RGPD3: variants seen among roughly 807,000 people sequenced by gnomAD.
RGPD3 encodes the protein ranBP2-like and GRIP domain-containing protein 3.
Under a neutral mutation model 154.5 loss-of-function variants are expected in RGPD3, and 62 were observed. The observed-to-expected ratio is 0.40, with a 90% CI of 0.33 to 0.50. The LOEUF (loss-of-function observed/expected upper bound fraction) is 0.50, where lower values mean the gene tolerates loss of function less well. Among genes scored for constraint, RGPD3 ranks in the 20% least tolerant of loss-of-function variants. RGPD3 has a pLI of 0.59. For synonymous variants in RGPD3, 308 were observed against 607.0 expected, an observed-to-expected ratio of 0.51 and a Z score of 7.24; for missense variants, 919 against 1,716.8, an observed-to-expected ratio of 0.54 and a Z score of 8.21.
chr2:106,410,246 A>G (rs972112065), intron 22 of RGPD3, among the ~76,000 whole-genome samples: 75 of 152,270 alleles, frequency 4.9e-4, no homozygotes, highest in African/African-American at 1.5e-3. Flanking sequence ...GTTTTTAATT[A>G]TAATAAGGTC....
rs200527401 is a variant in RGPD3 at position 106,468,264 on chromosome 2, C to A, written c.25G>T (p.Glu9Ter). 6.0e-3 allele frequency: 9,689 copies of A among 1,607,704 alleles called. 22 individuals carry two copies. Among genetic ancestry groups the A allele is most frequent in the Non-Finnish European group, 7.5e-3 (8,831 of 1,178,220 alleles). The change falls in exon 1 of 23, where the codon GAG becomes TAG. Residue 9 changes from glutamate to a stop codon, truncating the protein, a stop_gained. Transcript: ENST00000409886. LOFTEE classifies it high-confidence loss of function. ...CCCTGCACCGAGGCGACGTACCGCT[C>A]CCCGTAGGCCTTGCTGCAACTCATC... MSCSKAYGERYVASVQGSA... is the reference protein window; with the variant it reads MSCSKAYG
chr2:106,451,276 G>A (rs1406309531), intron 6 of RGPD3, among the ~76,000 whole-genome samples: 7 of 151,824 alleles, frequency 4.6e-5, no homozygotes, highest in African/African-American at 1.7e-4. Context: ...AGTTCTTTTA[G>A]ATACTGCTCT....
At chr2:106,458,996 T>G (rs2919189) in intron 2 of RGPD3, among the ~76,000 whole-genome samples, 1 of 117,854 alleles carries the variant, frequency 8.5e-6, no homozygotes, top group Non-Finnish European at 1.8e-5. Flanking sequence ...CTCTTTTACT[T>G]CAACAGAAGA....
chr2:106,461,471 G>A (rs1678403883), intron 1 of RGPD3, among the ~76,000 whole-genome samples: 1 of 152,204 alleles, frequency 6.6e-6, no homozygotes, highest in African/African-American at 2.4e-5. Flanking sequence ...TAGGTAGGAC[G>A]GAGCAGGAGG....
At position 106,468,335 on chromosome 2, in the gene RGPD3, C is replaced by T. The variant is rs1209797965; in HGVS notation, c.-47G>A. On this transcript the variant is annotated 5_prime_UTR_variant, in exon 1 of 23. Transcript: ENST00000409886. Reference sequence around the variant, plus strand: ...GAGATGCGTGAGACCAGCGCTCAGCCCCGCAGCAGTCGCCAATTCCAAGAG... The same window carrying T: ...GAGATGCGTGAGACCAGCGCTCAGCTCCGCAGCAGTCGCCAATTCCAAGAG... 2 of 1,572,392 alleles carry T rather than the reference C, an allele frequency of 1.3e-6. No individual in the cohort carries two copies. The highest frequency in any genetic ancestry group is 2.3e-5 in the South Asian group (2 of 85,680).
intron 7 of RGPD3, among the ~76,000 whole-genome samples, chr2:106,446,664 C>A (rs1158819703): frequency 1.4e-5 from 2 of 146,292 alleles, no homozygotes; most frequent in Admixed American, 6.9e-5. Flanking sequence ...AGGTAGATCA[C>A]GAGGTCAAGA....
intron 6 of RGPD3, among the ~76,000 whole-genome samples, chr2:106,449,677 A>T (rs1573289336): frequency 6.6e-6 from 1 of 151,858 alleles, no homozygotes; most frequent in Non-Finnish European, 1.5e-5. Context: ...AGAGATTGAG[A>T]CCTTCCAGTA....
intron 1 of RGPD3, among the ~76,000 whole-genome samples, chr2:106,461,470 C>T (rs566182109): frequency 4.6e-5 from 7 of 152,246 alleles, no homozygotes; most frequent in East Asian, 1.9e-4. Flanking sequence ...CTAGGTAGGA[C>T]GGAGCAGGAG....
Position 106,466,289 on chromosome 2 carries a change from G to C in RGPD3, c.72+1928C>G, listed in dbSNP as rs1053808460. Among the ~76,000 whole-genome samples, 8 of 144,732 alleles carry C rather than the reference G, an allele frequency of 5.5e-5. No homozygotes were observed. The East Asian group carries it at 7.8e-4, about 14-fold the overall frequency. 94.9% of individuals were successfully genotyped at this position (144,732 alleles called of 152,430 possible). On this transcript the variant is annotated intron_variant, in intron 1 of 22. Coordinates refer to ENST00000409886, the MANE Select transcript of RGPD3 (RefSeq NM_001144013.2). ...CGCCGCCCACAGGACTGCGCCAGCC[G>C]GCGGGCGCCGCAACAGAGCGCGCCA...
chr2:106,445,199 G>C (rs1180385107), intron 7 of RGPD3, among the ~76,000 whole-genome samples: 1 of 139,336 alleles, frequency 7.2e-6, no homozygotes, highest in Non-Finnish European at 1.6e-5. Flanking sequence ...TGAGGCAGGA[G>C]AATGGCGTGA....
rs577854038 is a variant in RGPD3 at position 106,403,695 on chromosome 2, C to T, written c.*1524G>A. 2.6e-5 allele frequency among the ~76,000 whole-genome samples: 4 copies of T among 152,388 alleles called. No homozygotes were observed. Among genetic ancestry groups the T allele is most frequent in the Admixed American group, 6.5e-5 (1 of 15,308 alleles). ...AGTAAAAAAACTAAACTCTTCATGT[C>T]GGCTCTGAAATAGATGCATTTTCAT... On this transcript the variant is annotated 3_prime_UTR_variant, in exon 23 of 23. Coordinates refer to ENST00000409886, the MANE Select transcript of RGPD3 (RefSeq NM_001144013.2).
chr2:106,444,650 C>A (rs558640075), intron 7 of RGPD3, among the ~76,000 whole-genome samples: 21 of 140,494 alleles, frequency 1.5e-4, no homozygotes, highest in African/African-American at 5.4e-4. Flanking sequence ...CATAGCAAGA[C>A]CTTGTCTTTA....
chr2:106,466,896 AGGCCGCCGCCTCC>A (rs1364801686), intron 1 of RGPD3, among the ~76,000 whole-genome samples: 1 of 101,830 alleles, frequency 9.8e-6, no homozygotes, highest in African/African-American at 3.4e-5. Flanking sequence ...GGCCGGGTCG[AGGCCGCCGCCTCC>A]ACAGAGCGCG....
chr2:106,467,146 C>T (rs372582247), intron 1 of RGPD3, among the ~76,000 whole-genome samples: 1 of 44,350 alleles, frequency 2.3e-5, no homozygotes, highest in Non-Finnish European at 4.6e-5. Flanking sequence ...GAGCAGCGCC[C>T]GTCGGGAGCC....
At chr2:106,449,483 A>G (rs1447259137) in intron 6 of RGPD3, among the ~76,000 whole-genome samples, 1 of 151,368 alleles carries the variant, frequency 6.6e-6, no homozygotes, top group African/African-American at 2.4e-5. Context: ...AAAAAAAAAA[A>G]AAAAGCTATA....
At chr2:106,413,828 G>A (rs1414689792) in intron 21 of RGPD3, among the ~76,000 whole-genome samples, 1 of 152,160 alleles carries the variant, frequency 6.6e-6, no homozygotes, top group Non-Finnish European at 1.5e-5. Context: ...TGGAAATGGA[G>A]TTGAAAGCTG....
chr2:106,414,497 C>T (rs527255682), intron 21 of RGPD3, among the ~76,000 whole-genome samples: 8 of 147,658 alleles, frequency 5.4e-5, no homozygotes, highest in African/African-American at 1.7e-4. Context: ...TGGTGCGTGC[C>T]TGCAGTCTCA....
At chr2:106,425,361 A>G (rs1677165881) in intron 19 of RGPD3, 95 bp from the exon 20 acceptor site, 4 of 1,563,812 alleles carry the variant, frequency 2.6e-6, no homozygotes, top group Non-Finnish European at 2.6e-6. Context: ...TTATCAAATG[A>G]TGTTAACAAT....
At chr2:106,415,632 G>C (rs1401476540) in intron 21 of RGPD3, among the ~76,000 whole-genome samples, 2 of 130,060 alleles carry the variant, frequency 1.5e-5, no homozygotes, top group African/African-American at 3.0e-5. Context: ...AGCCGGGATC[G>C]TGCCACTGCA....
Sources: gnomAD v4.1 joint callset for allele counts (sites outside exome capture counted in the v4.1 genomes callset) on GRCh38, gnomAD v4.1.1 for gene constraint, MANE v1.5 for transcripts, NCBI Gene and HGNC (gene_info 2026-07-23, HGNC 2026-07-21) for gene names.